The following CCDC57 variants were observed in gnomAD, a reference collection of about 807,000 sequenced individuals.
CCDC57 encodes coiled-coil domain-containing protein 57.
Under a neutral mutation model 118.9 loss-of-function variants are expected in CCDC57, and 118 were observed. That is an observed-to-expected ratio of 0.99 (90% CI 0.86 to 1.16). The LOEUF (loss-of-function observed/expected upper bound fraction) is 1.16, where lower values mean the gene tolerates loss of function less well. Among genes scored for constraint, CCDC57 ranks in the 50% most tolerant of loss-of-function variants. CCDC57 has a pLI of 0.00. For synonymous variants in CCDC57, 527 were observed against 532.9 expected (o/e 0.99, Z 0.15); for missense variants, 1,300 against 1,320.7 (o/e 0.98, Z 0.24).
Position 82,128,478 on chromosome 17 carries a change from CG to C in CCDC57, c.2682+14del. The stretch of plus-strand genomic sequence containing the variant: ...CCCCACACAGCTGCACTTGCTCGGG[CG>C]CCGCCACTCTCACCTTCGGGCCTTG... On this transcript the variant is annotated intron_variant, in intron 18 of 19. Transcript: ENST00000665763. The C allele has an allele frequency of 5.9e-6, 9 of 1,532,772 alleles. No individual in the cohort carries two copies. The highest frequency in any genetic ancestry group is 7.9e-6 in the Non-Finnish European group (9 of 1,132,674). 94.9% of individuals were successfully genotyped at this position (1,532,772 alleles called of 1,614,324 possible). A position where few individuals can be genotyped will look rare whatever the true frequency, so the allele number is the denominator to read the frequency against.
At chr17:82,143,547 A>G (rs1002823400) in intron 16 of CCDC57, among the ~76,000 whole-genome samples, 1 of 152,036 alleles carries the variant, frequency 6.6e-6, no homozygotes, top group Non-Finnish European at 1.5e-5. Flanking sequence ...ACGCACACAC[A>G]CGTGTCAGGG....
intron 11 of CCDC57, among the ~76,000 whole-genome samples, chr17:82,175,910 T>A (rs2045408980): frequency 6.6e-6 from 1 of 152,180 alleles, no homozygotes; most frequent in East Asian, 1.9e-4. Context: ...ACTTTATGGC[T>A]CAAACCAACA....
intron 3 of CCDC57, among the ~76,000 whole-genome samples, chr17:82,200,535 GCACTTCAGGAA>G (rs2048871327): frequency 6.6e-6 from 1 of 152,106 alleles, no homozygotes; most frequent in Admixed American, 6.5e-5. Context: ...TATAATCCCA[GCACTTCAGGAA>G]GCCAAGGCCA....
At chr17:82,128,807 C>A (rs2037871660) in intron 17 of CCDC57, among the ~76,000 whole-genome samples, 2 of 152,178 alleles carry the variant, frequency 1.3e-5, no homozygotes, top group African/African-American at 4.8e-5. Context: ...TTCCCAGGAG[C>A]CTTCTCTGCA....
chr17:82,105,587 A>G (rs1242752543), intron 19 of CCDC57, among the ~76,000 whole-genome samples: 2 of 152,064 alleles, frequency 1.3e-5, no homozygotes, highest in East Asian at 3.9e-4. Context: ...CTCACCTGCT[A>G]AAGTCTCCTA....
intron 14 of CCDC57, 34 bp downstream of exon 13, chr17:82,163,166 T>C (rs767928100): frequency 6.2e-7 from 1 of 1,608,166 alleles, no homozygotes; most frequent in South Asian, 1.1e-5. Context: ...AGCGGCTCTC[T>C]AGGAGGATGA....
At chr17:82,142,930 C>T (rs969187702) in intron 16 of CCDC57, among the ~76,000 whole-genome samples, 2 of 151,964 alleles carry the variant, frequency 1.3e-5, no homozygotes, top group African/African-American at 2.4e-5. Context: ...TTTGGGAGGC[C>T]GAGGTGGGTG....
chr17:82,210,488 A>G (rs1346750959), intron 1 of CCDC57, among the ~76,000 whole-genome samples: 8 of 150,022 alleles, frequency 5.3e-5, no homozygotes, highest in Non-Finnish European at 1.2e-4. Flanking sequence ...CCTGACCAAC[A>G]TGGTGAAACC....
rs2043564910 is a variant in CCDC57 at position 82,163,198 on chromosome 17, A to G, written c.2040+2T>C. The G allele has an allele frequency of 2.5e-6, 4 of 1,613,236 alleles. No homozygotes were observed. Among genetic ancestry groups the G allele is most frequent in the Non-Finnish European group, 3.4e-6 (4 of 1,179,396 alleles). ...ATGACCCCACAAACTTGACTGCCTC[A>G]CCTTCTGTCTGAGTCGTGTCACCAG... On this transcript the variant is annotated splice_donor_variant, in intron 14 of 19. Coordinates refer to ENST00000665763, the Ensembl canonical transcript of CCDC57. LOFTEE classifies it high-confidence loss of function.
intron 14 of CCDC57, among the ~76,000 whole-genome samples, chr17:82,162,274 G>A (rs982521191): frequency 6.6e-6 from 1 of 152,164 alleles, no homozygotes; most frequent in Non-Finnish European, 1.5e-5. Flanking sequence ...CCAAAGTGCT[G>A]GGATTACAGG....
chr17:82,135,980 G>A (rs773223119), intron 16 of CCDC57, among the ~76,000 whole-genome samples: 6 of 152,096 alleles, frequency 3.9e-5, no homozygotes, highest in Non-Finnish European at 7.4e-5. Context: ...AAAAAACCCC[G>A]ACAGAAAATA....
At chr17:82,209,139 A>C (rs2147029827) in intron 1 of CCDC57, among the ~76,000 whole-genome samples, 1 of 152,224 alleles carries the variant, frequency 6.6e-6, no homozygotes, top group East Asian at 1.9e-4. Context: ...CATTTCTAAA[A>C]CTGAAATAAG....
chr17:82,142,991 C>T (rs902057582), intron 16 of CCDC57, among the ~76,000 whole-genome samples: 3 of 151,994 alleles, frequency 2.0e-5, no homozygotes, highest in African/African-American at 7.2e-5. Context: ...ATGGAGAAAC[C>T]CCGTCTCTAC....
intron 19 of CCDC57, among the ~76,000 whole-genome samples, chr17:82,105,366 T>C (rs763603622): frequency 3.9e-5 from 6 of 152,184 alleles, no homozygotes; most frequent in Admixed American, 6.5e-5. Context: ...CCTTCTCAAA[T>C]GCATCTAGTT....
intron 3 of CCDC57, among the ~76,000 whole-genome samples, chr17:82,199,577 T>C (rs4789721): frequency 0.49 from 73,549 of 151,478 alleles, 18,637 homozygotes; most frequent in East Asian, 0.88. Flanking sequence ...GAAGAGACAC[T>C]TCACAACATA....
At chr17:82,128,883 T>C (rs982616911) in intron 17 of CCDC57, among the ~76,000 whole-genome samples, 2 of 151,614 alleles carry the variant, frequency 1.3e-5, no homozygotes, top group African/African-American at 4.8e-5. Context: ...TGGACACGAG[T>C]GGCCCCCAGT....
chr17:82,159,074 C>T (rs1295495880), intron 14 of CCDC57, among the ~76,000 whole-genome samples: 3 of 152,134 alleles, frequency 2.0e-5, no homozygotes, highest in Non-Finnish European at 4.4e-5. Flanking sequence ...GCTGTGTTGC[C>T]CAGGCTGATT....
rs933546604 is a variant in CCDC57 at position 82,192,054 on chromosome 17, C to T, written c.851+1702G>A. 1.3e-5 allele frequency among the ~76,000 whole-genome samples: 2 copies of T among 150,926 alleles called. No homozygotes were observed. Among genetic ancestry groups the T allele is most frequent in the Admixed American group, 6.6e-5 (1 of 15,136 alleles). The stretch of plus-strand genomic sequence containing the variant: ...AGGCTGGAGTGCAGTGGCGCGGTCT[C>T]GGCTCAGTGAAACCTCCACCTCCCA... On this transcript the variant is annotated intron_variant, in intron 7 of 19. Transcript: ENST00000665763. This position sits in a 1 kb window ranked among gnomAD's most constrained non-coding sequence, Gnocchi z 4.0.
At chr17:82,127,629 C>T (rs989053145) in intron 19 of CCDC57, 63 bp downstream of exon 18, 86 of 1,521,794 alleles carry the variant, frequency 5.7e-5, no homozygotes, top group Non-Finnish European at 7.2e-5. Flanking sequence ...ACATGCCCCT[C>T]GGAGAGGGTG....
Sources: allele counts gnomAD v4.1 joint callset (sites outside exome capture counted in the v4.1 genomes callset), GRCh38; gene constraint gnomAD v4.1.1; non-coding constraint Gnocchi (gnomAD v3.1); transcripts MANE v1.5; gene names NCBI Gene and HGNC (gene_info 2026-07-23, HGNC 2026-07-21).